Variants in DNAH11 observed in about 807,000 individuals in gnomAD.
The protein encoded by DNAH11 is axonemal beta dynein heavy chain 11.
A neutral mutation model predicts 526.0 loss-of-function variants in DNAH11; 442 were observed. The ratio of observed to expected loss-of-function variants is 0.84; its 90% CI spans 0.78 to 0.91. The LOEUF is 0.91. Ranked by LOEUF, DNAH11 falls within the 40% of genes least tolerant of loss-of-function variation. The pLI is 0.00. For synonymous variants in DNAH11, 2,461 were observed against 1,935.9 expected, an observed-to-expected ratio of 1.27 and a Z score of -7.12; for missense variants, 6,989 against 5,448.7, an observed-to-expected ratio of 1.28 and a Z score of -8.90.
At chr7:21,862,124 T>C in intron 69 of DNAH11, 101 bp downstream of exon 69, 1 of 1,094,668 alleles carries the variant, frequency 9.1e-7, no homozygotes, top group Non-Finnish European at 1.2e-6. Flanking sequence ...ATAATAGACT[T>C]TTTTTTTTTT....
chr7:21,742,046 T>C lies in DNAH11; in HGVS notation c.8034T>C (p.Ser2678=). 6.2e-7 allele frequency: 1 copy of C among 1,613,918 alleles called. No homozygotes were observed. The highest frequency in any genetic ancestry group is 8.5e-7 in the Non-Finnish European group (1 of 1,179,860). The change falls in exon 49 of 82, where the codon AGT becomes AGC. Residue 2678 remains serine, a synonymous_variant. Transcript: ENST00000409508. ...CATTTGCTCCATCAATTCTCAGGAG[T>C]GGCCCCACTTTGATCCAGGCAACAA... ...QQAFAPSILR[S]GPTLIQATIA... is the part of the protein sequence containing the mutation.
intron 76 of DNAH11, among the ~76,000 whole-genome samples, chr7:21,887,543 G>A (rs1444203152): frequency 6.6e-6 from 1 of 152,140 alleles, no homozygotes; most frequent in East Asian, 1.9e-4. Flanking sequence ...TGATGTAATT[G>A]ACCCTCTCTT....
intron 6 of DNAH11, among the ~76,000 whole-genome samples, chr7:21,566,286 C>G (rs1439321761): frequency 6.6e-6 from 1 of 152,044 alleles, no homozygotes; most frequent in Non-Finnish European, 1.5e-5. Context: ...TTCTCTTGTT[C>G]CTTAGTTCTG....
At chr7:21,660,093 C>T (rs995106878) in intron 30 of DNAH11, among the ~76,000 whole-genome samples, 8 of 151,996 alleles carry the variant, frequency 5.3e-5, no homozygotes, top group Non-Finnish European at 2.9e-5. Context: ...TTTCTTCCTA[C>T]GGTGCCATCT....
Position 21,821,477 on chromosome 7 carries a change from C to A in DNAH11, c.10691+3138C>A, listed in dbSNP as rs1790046981. On this transcript the variant is annotated intron_variant, in intron 65 of 81. Coordinates refer to ENST00000409508, the MANE Select transcript of DNAH11 (RefSeq NM_001277115.2). ...CTTTTCCCATGAGAAAAATGGGGAC[C>A]CAGAGACATTAATTAACGTCCTCTT... Among the ~76,000 whole-genome samples, 4 of 152,074 alleles carry A rather than the reference C, an allele frequency of 2.6e-5. No individual in the cohort carries two copies. The South Asian group carries it at 8.3e-4, about 32-fold the overall frequency.
In DNAH11 at chr7:21,605,020, A is replaced by C. The variant is rs1362588892; in HGVS notation, c.3649-1406A>C. On this transcript the variant is annotated intron_variant, in intron 18 of 81. Coordinates refer to ENST00000409508, the MANE Select transcript of DNAH11 (RefSeq NM_001277115.2). The stretch of plus-strand genomic sequence containing the variant: ...GTCTCCCAACTGTTTTGATTCCATA[A>C]CACATAGACCTCCTGATAGTTAGCA... Among the ~76,000 whole-genome samples the C allele has an allele frequency of 2.0e-5, 3 of 152,316 alleles. No homozygotes were observed. In the East Asian group the frequency reaches 5.8e-4, roughly 29 times the overall value.
chr7:21,693,515 T>C (rs959306775), intron 35 of DNAH11, among the ~76,000 whole-genome samples: 10 of 152,372 alleles, frequency 6.6e-5, no homozygotes, highest in African/African-American at 2.4e-4. Flanking sequence ...CTCTATCTGC[T>C]TAAGAGTTTG....
rs145997843 is a variant in DNAH11, at chr7:21,853,736, A to G, written c.11062-579A>G. ...TGGTGCTGGTTTTTCTTTTTAAATT[A>G]TCTCTCTGAATGTACCCAGAGGCTA... On this transcript the variant is annotated intron_variant, in intron 67 of 81. Transcript: ENST00000409508. Among the ~76,000 whole-genome samples the G allele has an allele frequency of 3.0e-3, 455 of 152,340 alleles. 2 individuals are homozygous for G. Among genetic ancestry groups the G allele is most frequent in the African/African-American group, 0.011 (442 of 41,576 alleles).
At chr7:21,864,200 C>T (rs1783179264) in intron 69 of DNAH11, among the ~76,000 whole-genome samples, 1 of 152,166 alleles carries the variant, frequency 6.6e-6, no homozygotes, top group African/African-American at 2.4e-5. Context: ...TCACTGGAGG[C>T]TTTCTCATTT....
intron 65 of DNAH11, among the ~76,000 whole-genome samples, chr7:21,840,185 T>A (rs1307143141): frequency 1.3e-5 from 2 of 152,216 alleles, no homozygotes; most frequent in Non-Finnish European, 2.9e-5. Flanking sequence ...AAATTGTTGC[T>A]AATATTGTGA....
chr7:21,884,602 C>T (rs1472486544), intron 76 of DNAH11, among the ~76,000 whole-genome samples, 192 bp downstream of exon 76: 2 of 152,182 alleles, frequency 1.3e-5, no homozygotes, highest in Non-Finnish European at 2.9e-5. Context: ...TGCATTTTCA[C>T]AAGTCTTCCA....
In DNAH11 at chr7:21,559,714, T is replaced by C. The variant is rs1398992565; in HGVS notation, c.804T>C (p.Asn268=). Reference sequence around the variant, plus strand: ...GAGATTCAGTGCAGCGTTTGTTGAATGGTCTTCACTTGTCTCCTCAAGCAG... The same window carrying C: ...GAGATTCAGTGCAGCGTTTGTTGAACGGTCTTCACTTGTCTCCTCAAGCAG... ...IERDSVQRLL[N]GLHLSPQAEL... Residue 268 remains asparagine (N), a synonymous_variant, in exon 4 of 82, where the codon AAT becomes AAC. Transcript: ENST00000409508. The C allele has an allele frequency of 6.2e-7, 1 of 1,610,164 alleles. No individual in the cohort carries two copies. Among genetic ancestry groups the C allele is most frequent in the East Asian group, 2.2e-5 (1 of 44,748 alleles).
At chr7:21,680,795 T>G (rs1783106375) in intron 30 of DNAH11, among the ~76,000 whole-genome samples, 1 of 152,256 alleles carries the variant, frequency 6.6e-6, no homozygotes, top group South Asian at 2.1e-4. Context: ...TCAGTAGTCA[T>G]CACTATCTTG....
At chr7:21,747,369 A>G (rs1786193961) in intron 51 of DNAH11, among the ~76,000 whole-genome samples, 1 of 152,198 alleles carries the variant, frequency 6.6e-6, no homozygotes, top group South Asian at 2.1e-4. Context: ...TTCAAAAAGC[A>G]CTATTTAAAA....
chr7:21,895,153 T>C (rs1784465472), intron 79 of DNAH11, among the ~76,000 whole-genome samples, 154 bp downstream of exon 79: 1 of 152,192 alleles, frequency 6.6e-6, no homozygotes, highest in Non-Finnish European at 1.5e-5. Context: ...TTCATTTGAG[T>C]TTACTTGGTA....
chr7:21,603,194 A>G (rs1397725760), intron 18 of DNAH11, among the ~76,000 whole-genome samples: 1 of 152,184 alleles, frequency 6.6e-6, no homozygotes, highest in Non-Finnish European at 1.5e-5. Context: ...CACTTGGTAT[A>G]ATGTTTTCCA....
chr7:21,756,785 T>G (rs1216942747), intron 54 of DNAH11, among the ~76,000 whole-genome samples: 1 of 152,176 alleles, frequency 6.6e-6, no homozygotes, highest in Non-Finnish European at 1.5e-5. Flanking sequence ...CTAATCCTGT[T>G]GGGAATTATT....
intron 30 of DNAH11, among the ~76,000 whole-genome samples, chr7:21,663,471 A>G (rs1202123942): frequency 6.6e-6 from 1 of 151,920 alleles, no homozygotes; most frequent in African/African-American, 2.4e-5. Flanking sequence ...TTTTTTCCGC[A>G]TCTTCACCAA....
At chr7:21,710,340 G>A (rs1784414459) in intron 40 of DNAH11, among the ~76,000 whole-genome samples, 1 of 152,280 alleles carries the variant, frequency 6.6e-6, no homozygotes, top group Non-Finnish European at 1.5e-5. Context: ...CTCAGTCGTG[G>A]AAGTTAAGGG....
Sources: gnomAD v4.1 joint callset for allele counts (sites outside exome capture counted in the v4.1 genomes callset) on GRCh38, gnomAD v4.1.1 for gene constraint, MANE v1.5 for transcripts, NCBI Gene and HGNC (gene_info 2026-07-23, HGNC 2026-07-21) for gene names.